ZNF536: variants seen among roughly 807,000 people sequenced by gnomAD.
The protein encoded by ZNF536 is zinc finger protein 536.
Under a neutral mutation model 84.5 loss-of-function variants are expected in ZNF536, and 13 were observed. That is an observed-to-expected ratio of 0.15 (90% CI 0.10 to 0.24). The LOEUF (loss-of-function observed/expected upper bound fraction) is 0.24, where lower values mean the gene tolerates loss of function less well. Ranked by LOEUF, ZNF536 falls within the 10% of genes least tolerant of loss-of-function variation. The pLI is 1.00. For missense variants in ZNF536, 1,536 were observed against 1,747.5 expected (o/e 0.88, Z 2.16); for synonymous variants, 811 against 742.5 (o/e 1.09, Z -1.50).
intron 1 of ZNF536, among the ~76,000 whole-genome samples, chr19:30,623,389 TG>T (rs1389643691): frequency 6.6e-6 from 1 of 152,220 alleles, no homozygotes; most frequent in Non-Finnish European, 1.5e-5. Flanking sequence ...CTCAGATTCT[TG>T]GGGGCTCCCA....
At chr19:30,251,370 A>T (rs1360905131) in intron 1 of ZNF536, among the ~76,000 whole-genome samples, 1 of 152,084 alleles carries the variant, frequency 6.6e-6, no homozygotes, top group East Asian at 1.9e-4. Flanking sequence ...TGTGGGTGCA[A>T]ATGGCCTTAG....
intron 2 of ZNF536, among the ~76,000 whole-genome samples, chr19:30,483,710 C>T (rs2054181551): frequency 6.6e-6 from 1 of 152,158 alleles, no homozygotes; most frequent in African/African-American, 2.4e-5. Context: ...ACCCTTTCCC[C>T]CAGATCTCTG....
At chr19:30,487,456 G>A (rs1034599008) in intron 2 of ZNF536, among the ~76,000 whole-genome samples, 1 of 152,082 alleles carries the variant, frequency 6.6e-6, no homozygotes, top group African/African-American at 2.4e-5. Flanking sequence ...AGCAATGGGA[G>A]GGAGAAATGC....
At chr19:30,519,848 C>T (rs931209769) in intron 2 of ZNF536, among the ~76,000 whole-genome samples, 4 of 152,212 alleles carry the variant, frequency 2.6e-5, no homozygotes, top group African/African-American at 9.6e-5. Flanking sequence ...AGACCCCATC[C>T]CAGCCTTCAA....
chr19:30,649,490 A>C (rs1441279960), intron 1 of ZNF536, among the ~76,000 whole-genome samples: 1 of 147,992 alleles, frequency 6.8e-6, no homozygotes, highest in Non-Finnish European at 1.5e-5. Flanking sequence ...AATATTAACC[A>C]TTTTTTCCCC....
chr19:30,330,528 T>A (rs4805548), intron 2 of ZNF536, among the ~76,000 whole-genome samples: 151,719 of 152,284 alleles, frequency 1, 75,579 homozygotes, highest in East Asian at 1. Context: ...TTGCTACCAG[T>A]GGATTTAGAA....
intron 1 of ZNF536, among the ~76,000 whole-genome samples, chr19:30,389,241 G>T (rs143791182): frequency 2.0e-5 from 3 of 152,302 alleles, no homozygotes; most frequent in Admixed American, 1.3e-4. Context: ...CTACTCAAAG[G>T]GGGTATGCGG....
chr19:30,634,539 C>G (rs530705752), intron 1 of ZNF536, among the ~76,000 whole-genome samples: 1 of 152,152 alleles, frequency 6.6e-6, no homozygotes, highest in Admixed American at 6.5e-5. Context: ...TCCACCATAC[C>G]CCTGGTCGGA....
At chr19:30,319,202 T>C (rs1017609213) in intron 2 of ZNF536, among the ~76,000 whole-genome samples, 1 of 152,228 alleles carries the variant, frequency 6.6e-6, no homozygotes, top group African/African-American at 2.4e-5. Context: ...TTCTAGGAGA[T>C]GCCGGGAAGT....
At chr19:30,509,406 A>G (rs2055317572) in intron 2 of ZNF536, among the ~76,000 whole-genome samples, 1 of 147,732 alleles carries the variant, frequency 6.8e-6, no homozygotes, top group South Asian at 2.1e-4. Flanking sequence ...ATACATAATT[A>G]TATGTATAAC....
At chr19:30,381,242 G>T (rs1297962273) in intron 1 of ZNF536, among the ~76,000 whole-genome samples, 1 of 152,188 alleles carries the variant, frequency 6.6e-6, no homozygotes, top group South Asian at 2.1e-4. Context: ...CTCTTGATTA[G>T]ATCAATGCTC....
chr19:30,494,347 C>G (rs915508138), intron 2 of ZNF536, among the ~76,000 whole-genome samples: 1 of 152,216 alleles, frequency 6.6e-6, no homozygotes, highest in Non-Finnish European at 1.5e-5. Flanking sequence ...AAGCACTGGG[C>G]TCCTTGCAAA....
At chr19:30,698,438 T>A (rs2051757861) in intron 1 of ZNF536, among the ~76,000 whole-genome samples, 1 of 152,236 alleles carries the variant, frequency 6.6e-6, no homozygotes, top group African/African-American at 2.4e-5. Context: ...TTAAATAAAG[T>A]CCATCTTGTA....
At chr19:30,255,929 A>G (rs554900000) in intron 1 of ZNF536, among the ~76,000 whole-genome samples, 3 of 152,198 alleles carry the variant, frequency 2.0e-5, no homozygotes, top group Non-Finnish European at 2.9e-5. Context: ...TGCAGTGCTC[A>G]GGGGTGATTA....
intron 3 of ZNF536, among the ~76,000 whole-genome samples, chr19:30,544,318 A>G (rs1017058960): frequency 6.6e-6 from 1 of 152,218 alleles, no homozygotes; most frequent in African/African-American, 2.4e-5. Context: ...AGAACCTTGC[A>G]TAGCACGTGC....
At chr19:30,240,337 C>T (rs777479419) in intron 1 of ZNF536, among the ~76,000 whole-genome samples, 1 of 151,842 alleles carries the variant, frequency 6.6e-6, no homozygotes, top group Non-Finnish European at 1.5e-5. Flanking sequence ...CGTGTCACTA[C>T]ACTCCAGCCT....
chr19:30,338,467 G>C (rs1482020287), intron 2 of ZNF536, among the ~76,000 whole-genome samples: 1 of 147,434 alleles, frequency 6.8e-6, no homozygotes, highest in Non-Finnish European at 1.5e-5. Context: ...TGGTGATGAT[G>C]ATGACAATGA....
At chr19:30,625,127 G>T (rs1027460012) in intron 1 of ZNF536, among the ~76,000 whole-genome samples, 2 of 152,180 alleles carry the variant, frequency 1.3e-5, no homozygotes, top group African/African-American at 4.8e-5. Flanking sequence ...GGCTCAAGGA[G>T]CCAGCTTCTC....
chr19:30,360,205 G>A (rs775558859), intron 3 of ZNF536, among the ~76,000 whole-genome samples: 1 of 152,254 alleles, frequency 6.6e-6, no homozygotes, highest in Admixed American at 6.5e-5. Flanking sequence ...TGCTTGGGAA[G>A]GGGTCGGCTC....
Sources: gnomAD v4.1 joint callset for allele counts (sites outside exome capture counted in the v4.1 genomes callset) on GRCh38, gnomAD v4.1.1 for gene constraint, MANE v1.5 for transcripts, NCBI Gene and HGNC (gene_info 2026-07-23, HGNC 2026-07-21) for gene names.